Variants in LANCL1 observed in about 807,000 individuals in gnomAD.
LANCL1 encodes LanC like glutathione S-transferase 1, also known as glutathione S-transferase LANCL1.
In LANCL1, 50 loss-of-function variants were observed where a neutral mutation model predicts 50.6. That is an observed-to-expected ratio of 0.99 (90% CI 0.79 to 1.25). LANCL1 has a LOEUF of 1.25. Ranked by LOEUF, LANCL1 falls within the 50% of genes most tolerant of loss-of-function variation. The pLI, the probability that LANCL1 is intolerant of heterozygous loss-of-function variation, is 0.00. For synonymous variants in LANCL1, 188 were observed against 178.6 expected, an observed-to-expected ratio of 1.05 and a Z score of -0.42; for missense variants, 532 against 480.7, an observed-to-expected ratio of 1.11 and a Z score of -1.00.
At chr2:210,434,823 C>A (rs1692867206) in intron 9 of LANCL1, among the ~76,000 whole-genome samples, 1 of 152,086 alleles carries the variant, frequency 6.6e-6, no homozygotes, top group Non-Finnish European at 1.5e-5. Flanking sequence ...CACTGACACC[C>A]CCCGAGAGCA....
At chr2:210,469,524 A>G (rs1272130471) in intron 3 of LANCL1, among the ~76,000 whole-genome samples, 7 of 152,172 alleles carry the variant, frequency 4.6e-5, no homozygotes, top group East Asian at 1.9e-4. Context: ...TTTACGTTAC[A>G]TCTTAAAACA....
rs71395583 is a variant in LANCL1, at chr2:210,455,317, G to GGA, written c.200-4_200-3insTC. 3 of 1,420,778 alleles carry GGA rather than the reference G, an allele frequency of 2.1e-6. No homozygotes were observed. Among genetic ancestry groups the GGA allele is most frequent in the Admixed American group, 4.5e-5 (2 of 44,902 alleles). The allele number at this position is 1,420,778 out of a possible 1,614,324, so 88.0% of individuals were successfully genotyped here. On this transcript the variant is annotated splice_region_variant and splice_polypyrimidine_tract_variant and intron_variant, in intron 3 of 9. Transcript: ENST00000450366. ...ATGTAAGTAAAGCACAGCAATACCT[G>GGA]AAAAAAAAAAAAGGAAACAATGTAA...
intron 4 of LANCL1, among the ~76,000 whole-genome samples, chr2:210,454,822 A>T (rs1693615515): frequency 6.6e-6 from 1 of 152,194 alleles, no homozygotes; most frequent in Non-Finnish European, 1.5e-5. Context: ...GATCTTGGAT[A>T]GCACTTTGGA....
chr2:210,452,827 C>A (rs1393166704), intron 4 of LANCL1, among the ~76,000 whole-genome samples: 1 of 151,936 alleles, frequency 6.6e-6, no homozygotes, highest in East Asian at 1.9e-4. Context: ...CTAGCTAGAA[C>A]ATGATGTTGG....
chr2:210,453,541 T>G (rs951237187), intron 4 of LANCL1, among the ~76,000 whole-genome samples: 1 of 152,226 alleles, frequency 6.6e-6, no homozygotes, highest in African/African-American at 2.4e-5. Context: ...ATTGAACACA[T>G]TAACATTTCT....
At position 210,441,513 on chromosome 2, in the gene LANCL1, A is replaced by G; in HGVS notation, c.408-70T>C. On this transcript the variant is annotated intron_variant, in intron 4 of 9. Coordinates refer to ENST00000450366, the MANE Select transcript of LANCL1 (RefSeq NM_006055.3). ...GTATTGGTGTATACTTAAAAATGGT[A>G]CATTGAAAAAAATATACATGCACAC... 3 of 1,337,358 alleles carry G rather than the reference A, an allele frequency of 2.2e-6. No individual in the cohort carries two copies. The South Asian group carries it at 4.4e-5, about 19-fold the overall frequency. The allele number at this position is 1,337,358 out of a possible 1,614,324, so 82.8% of individuals were successfully genotyped here. A position where few individuals can be genotyped will look rare whatever the true frequency, so the allele number is the denominator to read the frequency against.
intron 4 of LANCL1, among the ~76,000 whole-genome samples, chr2:210,448,851 A>G (rs1032455173): frequency 2.0e-5 from 3 of 152,198 alleles, no homozygotes; most frequent in Non-Finnish European, 2.9e-5. Flanking sequence ...TCTGAAATTG[A>G]GGCAGTAATT....
chr2:210,469,984 A>C (rs3732055), intron 3 of LANCL1, among the ~76,000 whole-genome samples: 64,464 of 146,660 alleles, frequency 0.44, 14,718 homozygotes, highest in East Asian at 0.63. Flanking sequence ...TTTTTTTGGC[A>C]AGGAATAACA....
intron 2 of LANCL1, among the ~76,000 whole-genome samples, chr2:210,473,376 AAACAACAAC>A (rs554528717): frequency 5.9e-5 from 9 of 152,016 alleles, no homozygotes; most frequent in African/African-American, 1.5e-4. Flanking sequence ...ACTCCATCTC[AAACAACAAC>A]AACAACAACA....
chr2:210,448,143 C>T (rs1283752679), intron 4 of LANCL1, among the ~76,000 whole-genome samples: 15 of 151,526 alleles, frequency 9.9e-5, no homozygotes, highest in Admixed American at 9.9e-4. Flanking sequence ...AATGGAAATC[C>T]TAACAGTCTC....
At chr2:210,443,836 C>T (rs79815664) in intron 4 of LANCL1, among the ~76,000 whole-genome samples, 3,284 of 152,254 alleles carry the variant, frequency 0.022, 128 homozygotes, top group African/African-American at 0.075. Context: ...TCAAAATCTA[C>T]ACCAGAGAAT....
At chr2:210,457,332 G>A (rs1693702582) in intron 3 of LANCL1, among the ~76,000 whole-genome samples, 1 of 152,170 alleles carries the variant, frequency 6.6e-6, no homozygotes, top group Admixed American at 6.5e-5. Flanking sequence ...ATAATAGAAT[G>A]TGTCCTAATG....
chr2:210,461,218 A>G (rs1693847970), intron 3 of LANCL1, among the ~76,000 whole-genome samples: 1 of 150,952 alleles, frequency 6.6e-6, no homozygotes, highest in Non-Finnish European at 1.5e-5. Context: ...AATTGCATTC[A>G]TCTATCTAGT....
chr2:210,438,525 G>C (rs550472881), intron 6 of LANCL1, among the ~76,000 whole-genome samples: 2 of 152,316 alleles, frequency 1.3e-5, no homozygotes, highest in East Asian at 3.9e-4. Context: ...GAGTGTAAGA[G>C]AAGTTTCTCA....
At chr2:210,477,206 G>A (rs1285974039), upstream of LANCL1, among the ~76,000 whole-genome samples, 1 of 152,072 alleles carries the variant, frequency 6.6e-6, no homozygotes. Flanking sequence ...ACAAAAATAT[G>A]CCCAAAGGAC....
intron 4 of LANCL1, among the ~76,000 whole-genome samples, chr2:210,454,204 G>A (rs1574428289): frequency 1.4e-5 from 2 of 145,048 alleles, no homozygotes; most frequent in South Asian, 2.2e-4. Flanking sequence ...GGGAGAGAAG[G>A]GAGATATGCA....
In LANCL1 at chr2:210,465,244, T is replaced by C. The variant is rs1387876426; in HGVS notation, c.199+6715A>G. On this transcript the variant is annotated intron_variant, in intron 3 of 9. Coordinates refer to ENST00000450366, the MANE Select transcript of LANCL1 (RefSeq NM_006055.3). ...TTACATATCACAGGAAAGAGTAATC[T>C]CTTCTGATTCTTGCATATTTTTAAT... 2.0e-5 allele frequency among the ~76,000 whole-genome samples: 3 copies of C among 152,242 alleles called. No homozygotes were observed. In the East Asian group the frequency reaches 5.8e-4, roughly 29 times the overall value.
chr2:210,435,601 G>C (rs1692900493), intron 8 of LANCL1, 142 bp from the exon 9 acceptor site: 1 of 680,634 alleles, frequency 1.5e-6, no homozygotes, highest in Non-Finnish European at 2.6e-6. Context: ...CAGAGAAAAG[G>C]ATGGTTTGAA....
intron 3 of LANCL1, among the ~76,000 whole-genome samples, chr2:210,466,924 G>T (rs929634568): frequency 5.3e-5 from 8 of 151,918 alleles, no homozygotes; most frequent in Non-Finnish European, 8.8e-5. Flanking sequence ...AGGAGATCAT[G>T]AGAGAGATGT....
Sources: gnomAD v4.1 joint callset for allele counts (sites outside exome capture counted in the v4.1 genomes callset) on GRCh38, gnomAD v4.1.1 for gene constraint, MANE v1.5 for transcripts, NCBI Gene and HGNC (gene_info 2026-07-23, HGNC 2026-07-21) for gene names.